Variants in SHISA9 observed in about 807,000 individuals in gnomAD.
SHISA9 encodes shisa family member 9, also known as protein shisa-9.
In SHISA9, 13 loss-of-function variants were observed where a neutral mutation model predicts 38.0. The observed-to-expected ratio is 0.34, with a 90% CI of 0.22 to 0.54. SHISA9 has a LOEUF of 0.54. Among genes scored for constraint, SHISA9 ranks in the 20% least tolerant of loss-of-function variants. The pLI is 0.91. For missense variants in SHISA9, 538 were observed against 575.8 expected, an observed-to-expected ratio of 0.93 and a Z score of 0.67; for synonymous variants, 275 against 242.0, an observed-to-expected ratio of 1.14 and a Z score of -1.27.
At chr16:13,412,157 A>T in the SHISA9 span, among the ~76,000 whole-genome samples, 1 of 152,078 alleles carries the variant, frequency 6.6e-6, no homozygotes, top group Admixed American at 6.5e-5. Flanking sequence ...ACATCAAATC[A>T]TTTTCTGGGT....
chr16:13,285,403 T>G, the SHISA9 span, among the ~76,000 whole-genome samples: 2 of 151,882 alleles, frequency 1.3e-5, no homozygotes, highest in African/African-American at 4.8e-5. Flanking sequence ...CAAGGCAAAT[T>G]TCATGTTCTC....
chr16:13,441,462 A>G, the SHISA9 span, among the ~76,000 whole-genome samples: 7 of 152,310 alleles, frequency 4.6e-5, no homozygotes, highest in African/African-American at 1.7e-4. Context: ...TGGCCAACCT[A>G]GAGATCCATT....
intron 2 of SHISA9, among the ~76,000 whole-genome samples, chr16:13,099,684 G>A (rs901013892): frequency 4.6e-5 from 7 of 152,160 alleles, no homozygotes; most frequent in African/African-American, 1.2e-4. Context: ...CAGCGGGGAC[G>A]GGGTTGGTGG....
chr16:13,530,829 C>T, the SHISA9 span, among the ~76,000 whole-genome samples: 5 of 152,298 alleles, frequency 3.3e-5, no homozygotes, highest in East Asian at 1.9e-4. Context: ...ATCCCATTCC[C>T]TCCATTGGTT....
chr16:13,198,293 CATACATATATACTTGTGTG>C, intron 2 of SHISA9, among the ~76,000 whole-genome samples: 3 of 119,218 alleles, frequency 2.5e-5, no homozygotes, highest in African/African-American at 9.3e-5. Context: ...TGTGTATATG[CATACATATATACTTGTGTG>C]TATATGCATA....
At chr16:13,004,632 G>C (rs868082274) in intron 2 of SHISA9, among the ~76,000 whole-genome samples, 9 of 152,010 alleles carry the variant, frequency 5.9e-5, no homozygotes, top group African/African-American at 1.9e-4. Context: ...TGGTGAAAAA[G>C]AAACAGGGTC....
the SHISA9 span, among the ~76,000 whole-genome samples, chr16:13,465,349 G>A: frequency 6.6e-6 from 1 of 152,202 alleles, no homozygotes; most frequent in Non-Finnish European, 1.5e-5. Context: ...AAATGAAGTT[G>A]AACGTGGGGC....
intron 2 of SHISA9, among the ~76,000 whole-genome samples, chr16:13,078,039 GATA>G (rs1180376624): frequency 3.3e-5 from 5 of 152,158 alleles, no homozygotes; most frequent in African/African-American, 4.8e-5. Flanking sequence ...AAACCACAGT[GATA>G]ATAATAAACA....
chr16:13,069,527 C>T (rs1259652164), intron 2 of SHISA9, among the ~76,000 whole-genome samples: 1 of 151,156 alleles, frequency 6.6e-6, no homozygotes, highest in Non-Finnish European at 1.5e-5. Flanking sequence ...TGTGTGTACA[C>T]ACAATGTGTG....
intron 2 of SHISA9, among the ~76,000 whole-genome samples, chr16:13,029,972 C>T (rs550039905): frequency 2.6e-5 from 4 of 152,244 alleles, no homozygotes; most frequent in South Asian, 4.1e-4. Flanking sequence ...CATCTGTGAA[C>T]GGAGGATAAT....
intron 2 of SHISA9, among the ~76,000 whole-genome samples, chr16:13,077,123 C>G (rs1332013604): frequency 6.6e-6 from 1 of 152,166 alleles, no homozygotes; most frequent in Non-Finnish European, 1.5e-5. Flanking sequence ...AGGACCAGGA[C>G]TAAGATCATT....
At chr16:13,284,425 C>G in the SHISA9 span, among the ~76,000 whole-genome samples, 1 of 152,094 alleles carries the variant, frequency 6.6e-6, no homozygotes, top group South Asian at 2.1e-4. Context: ...CAGATAGTAT[C>G]TTTAGAGTAT....
the SHISA9 span, among the ~76,000 whole-genome samples, chr16:13,308,991 A>T: frequency 2.0e-5 from 3 of 152,228 alleles, no homozygotes; most frequent in African/African-American, 7.2e-5. Context: ...CTTAAAAGAT[A>T]AGAGTTTCTC....
chr16:13,037,556 T>A (rs1240627218), intron 2 of SHISA9, among the ~76,000 whole-genome samples: 2 of 151,990 alleles, frequency 1.3e-5, no homozygotes, highest in South Asian at 2.1e-4. Flanking sequence ...GGGGCAGAGA[T>A]GAACTCTTCT....
At position 13,208,283 on chromosome 16, in the gene SHISA9, C is replaced by T. The variant is rs192075590; in HGVS notation, c.847+4734C>T. 1.6e-3 allele frequency among the ~76,000 whole-genome samples: 249 copies of T among 152,196 alleles called. 1 individual carries two copies. The highest frequency in any genetic ancestry group is 5.7e-3 in the African/African-American group (238 of 41,528). The stretch of plus-strand genomic sequence containing the variant: ...ATTTCCTGCCAACTCAGGGAAAAAA[C>T]GGTTTGAATAAAGGGTGTTAATGTT... On this transcript the variant is annotated intron_variant, in intron 3 of 4. Transcript: ENST00000558583.
chr16:13,375,819 A>G, the SHISA9 span, among the ~76,000 whole-genome samples: 1 of 152,192 alleles, frequency 6.6e-6, no homozygotes, highest in South Asian at 2.1e-4. Context: ...AGAAGACTTA[A>G]TATTGCTAAA....
chr16:13,019,919 C>CT (rs2072821541), intron 2 of SHISA9, among the ~76,000 whole-genome samples: 1 of 82,320 alleles, frequency 1.2e-5, no homozygotes, highest in South Asian at 5.4e-4. Flanking sequence ...TTCTTTCTTT[C>CT]TTTCTTTCTT....
chr16:13,360,257 A>C, the SHISA9 span, among the ~76,000 whole-genome samples: 1 of 152,200 alleles, frequency 6.6e-6, no homozygotes, highest in East Asian at 1.9e-4. Context: ...ATTTTGCTGC[A>C]GCTGATGCTC....
At chr16:13,022,144 C>T (rs1471674625) in intron 2 of SHISA9, among the ~76,000 whole-genome samples, 4 of 152,000 alleles carry the variant, frequency 2.6e-5, no homozygotes, top group Admixed American at 2.6e-4. Context: ...TCTCAAATCT[C>T]CCCCTGCCTT....
Sources: allele counts gnomAD v4.1 joint callset (sites outside exome capture counted in the v4.1 genomes callset), GRCh38; gene constraint gnomAD v4.1.1; transcripts MANE v1.5; gene names NCBI Gene and HGNC (gene_info 2026-07-23, HGNC 2026-07-21).